RASGEF1C: variants seen among roughly 807,000 people sequenced by gnomAD.
RASGEF1C encodes the protein ras-GEF domain-containing family member 1C.
Under a neutral mutation model 58.1 loss-of-function variants are expected in RASGEF1C, and 27 were observed. That is an observed-to-expected ratio of 0.46 (90% confidence interval 0.34 to 0.64). The LOEUF is 0.64. Among genes scored for constraint, RASGEF1C ranks in the 30% least tolerant of loss-of-function variants. The pLI is 0.01. For synonymous variants in RASGEF1C, 243 were observed against 246.3 expected (o/e 0.99, Z 0.13); for missense variants, 502 against 605.1 (o/e 0.83, Z 1.79).
At position 180,101,292 on chromosome 5, in the gene RASGEF1C, C is replaced by T. The variant is rs1263341724; in HGVS notation, c.*209G>A. 2 of 601,780 alleles carry T rather than the reference C, an allele frequency of 3.3e-6. No individual in the cohort carries two copies. Among genetic ancestry groups the T allele is most frequent in the East Asian group, 2.8e-5 (1 of 36,042 alleles). 37.3% of individuals were successfully genotyped at this position (601,780 alleles called of 1,614,324 possible). A position where few individuals can be genotyped will look rare whatever the true frequency, so the allele number is the denominator to read the frequency against. On this transcript the variant is annotated 3_prime_UTR_variant, in exon 14 of 14. Coordinates refer to ENST00000361132, the MANE Select transcript of RASGEF1C (RefSeq NM_175062.4). ...ATGTGCCGCCCGCACGTCTGGAGGC[C>T]CTGGGTCCTGCCAGGGCCAAAGTCC...
intron 1 of RASGEF1C, among the ~76,000 whole-genome samples, chr5:180,188,717 A>G (rs1756084416): frequency 6.6e-6 from 1 of 152,180 alleles, no homozygotes; most frequent in African/African-American, 2.4e-5. Flanking sequence ...GTACATGTGC[A>G]GGTTTGTCAC....
At chr5:180,107,248 C>T (rs1297209544) in intron 12 of RASGEF1C, among the ~76,000 whole-genome samples, 1 of 152,096 alleles carries the variant, frequency 6.6e-6, no homozygotes, top group Admixed American at 6.5e-5. Context: ...GTATTTAGAC[C>T]ATTTACATTT....
rs766614371 is a variant in RASGEF1C at position 180,101,541 on chromosome 5, T to C, written c.1377-16A>G. On this transcript the variant is annotated splice_polypyrimidine_tract_variant and intron_variant, in intron 13 of 13. Coordinates refer to ENST00000361132, the MANE Select transcript of RASGEF1C (RefSeq NM_175062.4). ...AATAGAAGATCTGCAGATTTAAGCA[T>C]GTCGGGAGCGGTGAGAGCCTGGAGC... The C allele has an allele frequency of 1.1e-5, 17 of 1,611,810 alleles. No individual in the cohort carries two copies. The highest frequency in any genetic ancestry group is 1.7e-6 in the Non-Finnish European group (2 of 1,179,758).
intron 1 of RASGEF1C, among the ~76,000 whole-genome samples, chr5:180,176,464 C>G (rs1767226470): frequency 1.3e-5 from 2 of 152,236 alleles, no homozygotes; most frequent in Admixed American, 6.5e-5. Context: ...CCCTCCTGCC[C>G]CTGCCAGGAC....
In RASGEF1C at chr5:180,156,095, ACTC is replaced by A. The variant is rs34397667; in HGVS notation, c.-6-18040_-6-18038del. On this transcript the variant is annotated intron_variant, in intron 1 of 13. Transcript: ENST00000361132. The surrounding 1 kb of genome is among the most constrained non-coding windows in gnomAD (Gnocchi z 4.9). ...TAATGCATCTTCCTCAACCGGTCCC[ACTC>A]CTCATCCCCCTAACCTCTAGACAAG... 0.012 allele frequency among the ~76,000 whole-genome samples: 1,791 copies of A among 151,974 alleles called. 14 individuals are homozygous for A. The highest frequency in any genetic ancestry group is 0.02 in the Non-Finnish European group (1,389 of 67,956).
intron 1 of RASGEF1C, among the ~76,000 whole-genome samples, chr5:180,174,466 G>C (rs1395015772): frequency 8.8e-6 from 1 of 113,758 alleles, no homozygotes; most frequent in African/African-American, 3.4e-5. Flanking sequence ...GTGCATGTCT[G>C]TGTGTATGTG....
At chr5:180,130,155 C>T (rs906415744) in intron 4 of RASGEF1C, among the ~76,000 whole-genome samples, 1 of 152,160 alleles carries the variant, frequency 6.6e-6, no homozygotes, top group Non-Finnish European at 1.5e-5. Context: ...GGAAATGACC[C>T]CATTGTCTCG....
intron 3 of RASGEF1C, 74 bp from the exon 4 acceptor site, chr5:180,136,589 C>T (rs1207238203): frequency 2.0e-6 from 3 of 1,470,514 alleles, no homozygotes; most frequent in South Asian, 1.4e-5. Flanking sequence ...CGCGTCCTTG[C>T]GGGTCTGGCC....
intron 1 of RASGEF1C, among the ~76,000 whole-genome samples, chr5:180,152,629 G>C (rs1296807988): frequency 2.7e-5 from 4 of 148,832 alleles, no homozygotes; most frequent in South Asian, 2.1e-4. Context: ...CGAGTTAATG[G>C]GTGCAGCACA....
chr5:180,139,604 A>C (rs1414063320), intron 1 of RASGEF1C, among the ~76,000 whole-genome samples: 1 of 152,220 alleles, frequency 6.6e-6, no homozygotes, highest in African/African-American at 2.4e-5. Context: ...CCATGGTGAC[A>C]GACAGCTTAT....
chr5:180,120,554 G>A (rs985775349), intron 7 of RASGEF1C, among the ~76,000 whole-genome samples: 8 of 152,140 alleles, frequency 5.3e-5, no homozygotes, highest in African/African-American at 1.7e-4. Flanking sequence ...GGAGGAGGAC[G>A]GGTGGGTGTG....
chr5:180,162,762 A>T (rs2113302188), intron 1 of RASGEF1C, among the ~76,000 whole-genome samples: 1 of 152,340 alleles, frequency 6.6e-6, no homozygotes, highest in Admixed American at 6.5e-5. Context: ...CCACAAAAAA[A>T]TCCTGCTGGG....
At chr5:180,191,844 T>G (rs984604190) in intron 1 of RASGEF1C, among the ~76,000 whole-genome samples, 1 of 152,238 alleles carries the variant, frequency 6.6e-6, no homozygotes, top group Non-Finnish European at 1.5e-5. Context: ...TTGTTGGACC[T>G]CTGCTCAGGG....
chr5:180,190,242 T>C lies in RASGEF1C; in HGVS notation c.-7+18786A>G, dbSNP rs531649225. On this transcript the variant is annotated intron_variant, in intron 1 of 13. Transcript: ENST00000361132. The stretch of plus-strand genomic sequence containing the variant: ...GTGGCTCACGCCTGTAATCCCAGCA[T>C]TTTGGGAGGCCGAGGCAGGCGGATC... Among the ~76,000 whole-genome samples, 330 of 147,492 alleles carry C rather than the reference T, an allele frequency of 2.2e-3. 1 individual carries two copies. Among genetic ancestry groups the C allele is most frequent in the African/African-American group, 5.7e-3 (229 of 40,098 alleles).
Position 180,182,096 on chromosome 5 carries a change from A to T in RASGEF1C, c.-7+26932T>A, listed in dbSNP as rs565075368. Among the ~76,000 whole-genome samples, 568 of 150,806 alleles carry T rather than the reference A, an allele frequency of 3.8e-3. 4 individuals are homozygous for T. The highest frequency in any genetic ancestry group is 7.5e-3 in the African/African-American group (307 of 40,874). ...GGCGGGCGCCTGTAGTCCCAGCTACACGGGAGGCTGAGGCAGGAGAATGGC... is the reference window on the plus strand; with the variant it reads ...GGCGGGCGCCTGTAGTCCCAGCTACTCGGGAGGCTGAGGCAGGAGAATGGC... On this transcript the variant is annotated intron_variant, in intron 1 of 13. Coordinates refer to ENST00000361132, the MANE Select transcript of RASGEF1C (RefSeq NM_175062.4).
rs1025217840 is a variant in RASGEF1C at position 180,101,361 on chromosome 5, G to C, written c.*140C>G. 12 of 949,714 alleles carry C rather than the reference G, an allele frequency of 1.3e-5. No individual in the cohort carries two copies. Among genetic ancestry groups the C allele is most frequent in the South Asian group, 3.0e-5 (2 of 66,236 alleles). 58.8% of individuals were successfully genotyped at this position (949,714 alleles called of 1,614,324 possible). ...CCCGTATGGCCACTGTGGGGGGGGG[G>C]GGGGCGGGCAGCAGGCCACAGGGTC... On this transcript the variant is annotated 3_prime_UTR_variant, in exon 14 of 14. Coordinates refer to ENST00000361132, the MANE Select transcript of RASGEF1C (RefSeq NM_175062.4).
chr5:180,120,023 T>C (rs1766141131), intron 7 of RASGEF1C, among the ~76,000 whole-genome samples: 1 of 152,124 alleles, frequency 6.6e-6, no homozygotes, highest in Non-Finnish European at 1.5e-5. Context: ...AGGCCAGGCT[T>C]CGCCCAGGCT....
At chr5:180,196,754 T>C (rs1420998057) in intron 1 of RASGEF1C, among the ~76,000 whole-genome samples, 2 of 152,198 alleles carry the variant, frequency 1.3e-5, no homozygotes, top group African/African-American at 2.4e-5. Context: ...TTTTTTGTCT[T>C]GCTTGGTCAT....
intron 1 of RASGEF1C, among the ~76,000 whole-genome samples, chr5:180,162,613 C>G (rs548403950): frequency 6.6e-6 from 1 of 152,250 alleles, no homozygotes; most frequent in African/African-American, 2.4e-5. Context: ...ACAAGCTCCC[C>G]TCACCGCATT....
Sources: allele counts gnomAD v4.1 joint callset (sites outside exome capture counted in the v4.1 genomes callset), GRCh38; gene constraint gnomAD v4.1.1; non-coding constraint Gnocchi (gnomAD v3.1); transcripts MANE v1.5; gene names NCBI Gene and HGNC (gene_info 2026-07-23, HGNC 2026-07-21).